CEP43: variants seen among roughly 807,000 people sequenced by gnomAD.
CEP43 encodes centrosomal protein 43.
CEP43 carries 36 observed loss-of-function variants against 52.6 expected under a neutral mutation model. That is an observed-to-expected ratio of 0.68 (90% CI 0.52 to 0.90). The LOEUF (loss-of-function observed/expected upper bound fraction) is 0.90. CEP43 is among the 40% of genes least tolerant of loss of function. The pLI, the probability that CEP43 is intolerant of heterozygous loss-of-function variation, is 0.00. For synonymous variants in CEP43, 192 were observed against 172.4 expected, an observed-to-expected ratio of 1.11 and a Z score of -0.89; for missense variants, 506 against 472.8, an observed-to-expected ratio of 1.07 and a Z score of -0.65.
chr6:167,033,261 C>T (rs2128667363), intron 11 of CEP43, among the ~76,000 whole-genome samples: 1 of 151,906 alleles, frequency 6.6e-6, no homozygotes, highest in East Asian at 1.9e-4. Context: ...TAGGTGCGTG[C>T]CACTACGCCT....
At chr6:167,017,853 C>T (rs1583278780) in intron 7 of CEP43, among the ~76,000 whole-genome samples, 1 of 152,118 alleles carries the variant, frequency 6.6e-6, no homozygotes, top group South Asian at 2.1e-4. Flanking sequence ...TAGTGCTGTG[C>T]AATAGGTCCC....
rs1780009052 is a variant in CEP43 at position 167,012,570 on chromosome 6, A to C, written c.520-938A>C. On this transcript the variant is annotated intron_variant, in intron 6 of 12. Coordinates refer to ENST00000366847, the MANE Select transcript of CEP43 (RefSeq NM_007045.4). ...TACTTATCAGTACCTATAGCATTTG[A>C]CTATTTGGAAGCTCTTTTTAGCAAA... Among the ~76,000 whole-genome samples, 5 of 152,202 alleles carry C rather than the reference A, an allele frequency of 3.3e-5. No individual in the cohort carries two copies. In the South Asian group the frequency reaches 1.0e-3, roughly 31 times the overall value.
At chr6:167,020,647 G>A (rs9457254) in intron 7 of CEP43, among the ~76,000 whole-genome samples, 52,879 of 151,976 alleles carry the variant, frequency 0.35, 10,402 homozygotes, top group Non-Finnish European at 0.46. Flanking sequence ...CACGGCTCAC[G>A]CCTGTAATCC....
At chr6:167,003,940 ATCT>A (rs1361921075) in intron 4 of CEP43, 129 bp downstream of exon 4, 1 of 677,442 alleles carries the variant, frequency 1.5e-6, no homozygotes, top group Admixed American at 3.0e-5. Context: ...GTAGTTGATT[ATCT>A]GTTTTTCTTA....
In CEP43 at chr6:167,045,360, C is replaced by CG. The variant is rs1414590095; in HGVS notation, c.*5382_*5383insG. On this transcript the variant is annotated 3_prime_UTR_variant, in exon 13 of 13. Transcript: ENST00000366847. ...CTATGGTGATCCGCACCCCTCCCCG[C>CG]CCCCCCCGCGGCCCAGCCTCCCAAA... 4.3e-5 allele frequency: 3 copies of CG among 69,126 alleles called. No homozygotes were observed. Among genetic ancestry groups the CG allele is most frequent in the East Asian group, 5.1e-4 (1 of 1,974 alleles). 4.3% of individuals were successfully genotyped at this position (69,126 alleles called of 1,614,324 possible). A position where few individuals can be genotyped will look rare whatever the true frequency, so the allele number is the denominator to read the frequency against.
chr6:167,023,808 G>T (rs1780292970), intron 8 of CEP43, among the ~76,000 whole-genome samples: 1 of 152,186 alleles, frequency 6.6e-6, no homozygotes, highest in Admixed American at 6.5e-5. Context: ...CTGGAGGTCA[G>T]TGATGACCTT....
chr6:167,015,120 T>A (rs1438782808), intron 7 of CEP43, among the ~76,000 whole-genome samples: 3 of 152,208 alleles, frequency 2.0e-5, no homozygotes, highest in Admixed American at 1.3e-4. Flanking sequence ...GGGCAGAGTG[T>A]AGTGTGTGCC....
intron 10 of CEP43, among the ~76,000 whole-genome samples, chr6:167,029,602 C>T (rs1381137696): frequency 6.6e-6 from 1 of 152,230 alleles, no homozygotes; most frequent in Non-Finnish European, 1.5e-5. Context: ...CATTTTGACA[C>T]TGGCTTAAAT....
At chr6:167,016,343 G>A (rs1485862518) in intron 7 of CEP43, among the ~76,000 whole-genome samples, 1 of 152,118 alleles carries the variant, frequency 6.6e-6, no homozygotes, top group Non-Finnish European at 1.5e-5. Flanking sequence ...CACACCACTT[G>A]TCCTCCTGGG....
Position 167,042,254 on chromosome 6 carries a change from G to A in CEP43, c.*2276G>A, listed in dbSNP as rs925460375. On this transcript the variant is annotated 3_prime_UTR_variant, in exon 13 of 13. Transcript: ENST00000366847. Reference sequence around the variant, plus strand: ...AGATGTGAAGTGACAGGTTTTGCATGTGATGAGTGTTTTCTGTTAAAAAAT... The same window carrying A: ...AGATGTGAAGTGACAGGTTTTGCATATGATGAGTGTTTTCTGTTAAAAAAT... 9.9e-7 allele frequency: 1 copy of A among 1,005,896 alleles called. No homozygotes were observed. 62.3% of individuals were successfully genotyped at this position (1,005,896 alleles called of 1,614,324 possible). A position where few individuals can be genotyped will look rare whatever the true frequency, so the allele number is the denominator to read the frequency against.
At position 167,022,828 on chromosome 6, in the gene CEP43, C is replaced by A. The variant is rs186144444; in HGVS notation, c.806+193C>A. ...TAGAAAAACCTAGACATGATTTATT[C>A]CAACAAGTAAGTGTAGATTGAGTGT... On this transcript the variant is annotated intron_variant, in intron 8 of 12. Coordinates refer to ENST00000366847, the MANE Select transcript of CEP43 (RefSeq NM_007045.4). Among the ~76,000 whole-genome samples the A allele has an allele frequency of 2.0e-3, 298 of 152,168 alleles. 1 individual carries two copies. The highest frequency in any genetic ancestry group is 6.6e-3 in the African/African-American group (276 of 41,506).
chr6:167,001,370 G>A (rs1005402337), intron 2 of CEP43, among the ~76,000 whole-genome samples: 1 of 152,174 alleles, frequency 6.6e-6, no homozygotes, highest in African/African-American at 2.4e-5. Context: ...ACTATTAGGA[G>A]TAAACTGTTT....
chr6:167,029,972 G>A (rs956706519), intron 10 of CEP43, among the ~76,000 whole-genome samples: 7 of 152,204 alleles, frequency 4.6e-5, no homozygotes, highest in African/African-American at 1.7e-4. Context: ...AAGGGTGGGG[G>A]AGATTACAAA....
intron 12 of CEP43, among the ~76,000 whole-genome samples, chr6:167,035,175 A>G (rs146518355): frequency 5.3e-5 from 8 of 152,336 alleles, no homozygotes; most frequent in East Asian, 3.9e-4. Flanking sequence ...TGGCACATCA[A>G]TGTTCCTAGG....
chr6:167,004,129 A>G (rs571727258), intron 4 of CEP43, 135 bp from the exon 5 acceptor site: 5 of 983,722 alleles, frequency 5.1e-6, no homozygotes, highest in African/African-American at 4.9e-5. Flanking sequence ...ATTTTTTAAA[A>G]TAGACATTTC....
intron 10 of CEP43, chr6:167,027,910 A>C (rs769222728): frequency 5.1e-6 from 5 of 985,624 alleles, no homozygotes; most frequent in African/African-American, 1.7e-5. Context: ...TGTTCCGCAC[A>C]GTGCCCTGGA....
At chr6:167,015,079 T>A (rs1412473749) in intron 7 of CEP43, among the ~76,000 whole-genome samples, 1 of 152,252 alleles carries the variant, frequency 6.6e-6, no homozygotes, top group Non-Finnish European at 1.5e-5. Context: ...ATAACTGTGA[T>A]GGGCCCAGAC....
intron 10 of CEP43, among the ~76,000 whole-genome samples, chr6:167,031,396 C>G (rs987360566): frequency 6.6e-6 from 1 of 152,218 alleles, no homozygotes; most frequent in African/African-American, 2.4e-5. Context: ...TTCCACTGTT[C>G]CTCTTCACTA....
At chr6:167,012,737 A>G (rs1039251717) in intron 6 of CEP43, among the ~76,000 whole-genome samples, 2 of 152,184 alleles carry the variant, frequency 1.3e-5, no homozygotes, top group Non-Finnish European at 2.9e-5. Flanking sequence ...GAGAATCTCA[A>G]TGTTTTAAGT....
Sources: allele counts gnomAD v4.1 joint callset (sites outside exome capture counted in the v4.1 genomes callset), GRCh38; gene constraint gnomAD v4.1.1; transcripts MANE v1.5; gene names NCBI Gene and HGNC (gene_info 2026-07-23, HGNC 2026-07-21).